ADGRL2: variants seen among roughly 807,000 people sequenced by gnomAD.
The protein encoded by ADGRL2 is adhesion G protein-coupled receptor L2, also known as calcium-independent alpha-latrotoxin receptor 2.
A neutral mutation model predicts 157.4 loss-of-function variants in ADGRL2; 44 were observed. The ratio of observed to expected loss-of-function variants is 0.28; its 90% CI spans 0.22 to 0.36. The LOEUF is 0.36. ADGRL2 is among the 10% of genes least tolerant of loss of function. The probability of loss-of-function intolerance (pLI) is 1.00; values close to 1 mark genes in which losing one functional copy is unlikely to be tolerated. For missense variants in ADGRL2, 1,510 were observed against 1,768.9 expected, an observed-to-expected ratio of 0.85 and a Z score of 2.63; for synonymous variants, 585 against 624.7, an observed-to-expected ratio of 0.94 and a Z score of 0.95.
intron 3 of ADGRL2, among the ~76,000 whole-genome samples, chr1:81,639,814 T>A (rs2082184519): frequency 6.6e-6 from 1 of 152,118 alleles, no homozygotes; most frequent in African/African-American, 2.4e-5. Flanking sequence ...TATTTCACAA[T>A]CGGTAGTTTC....
At chr1:81,808,107 A>G (rs929382341) in intron 1 of ADGRL2, among the ~76,000 whole-genome samples, 1 of 152,044 alleles carries the variant, frequency 6.6e-6, no homozygotes, top group East Asian at 1.9e-4. Flanking sequence ...GTTTGGAAGT[A>G]GAAAGCAAGT....
chr1:81,841,937 C>T (rs903270907), intron 2 of ADGRL2, among the ~76,000 whole-genome samples: 2 of 151,896 alleles, frequency 1.3e-5, no homozygotes, highest in Non-Finnish European at 2.9e-5. Context: ...TTGGGATGAG[C>T]GATAGTTGGA....
intron 1 of ADGRL2, among the ~76,000 whole-genome samples, chr1:81,399,353 T>G (rs76382678): frequency 1.3e-5 from 2 of 152,246 alleles, no homozygotes; most frequent in Admixed American, 6.5e-5. Flanking sequence ...AGCTATAATT[T>G]TATTATATAG....
At chr1:81,520,195 A>G (rs928737485) in intron 2 of ADGRL2, among the ~76,000 whole-genome samples, 5 of 152,130 alleles carry the variant, frequency 3.3e-5, no homozygotes, top group Admixed American at 1.3e-4. Flanking sequence ...CTACCCTGGT[A>G]TTGCCTGCTG....
At chr1:81,776,189 G>A (rs9662482) in intron 2 of ADGRL2, among the ~76,000 whole-genome samples, 30,173 of 145,206 alleles carry the variant, frequency 0.21, 3,372 homozygotes, top group African/African-American at 0.3. Context: ...GTACCTTAAA[G>A]CATTTTTTTT....
intron 2 of ADGRL2, among the ~76,000 whole-genome samples, chr1:81,491,236 G>T (rs1056953345): frequency 1.9e-4 from 29 of 152,088 alleles, no homozygotes; most frequent in African/African-American, 7.0e-4. Context: ...TTTAAATAAA[G>T]CTCTAAAACA....
At chr1:81,618,299 G>T (rs2081707922) in intron 3 of ADGRL2, among the ~76,000 whole-genome samples, 1 of 152,086 alleles carries the variant, frequency 6.6e-6, no homozygotes, top group South Asian at 2.1e-4. Context: ...ATGGTTTTGT[G>T]GGTGTATTGC....
At chr1:81,428,329 C>T (rs2077256503) in intron 1 of ADGRL2, among the ~76,000 whole-genome samples, 1 of 145,220 alleles carries the variant, frequency 6.9e-6, no homozygotes, top group Non-Finnish European at 1.5e-5. Flanking sequence ...AAAAATATCT[C>T]AAAATTAAAA....
intron 2 of ADGRL2, among the ~76,000 whole-genome samples, chr1:81,515,581 T>A (rs557046940): frequency 2.8e-4 from 43 of 152,360 alleles, no homozygotes; most frequent in South Asian, 8.3e-4. Flanking sequence ...TGGGCTCTTT[T>A]ATAGTTTTCA....
chr1:81,785,783 A>G (rs1233233321), intron 2 of ADGRL2, among the ~76,000 whole-genome samples: 5 of 152,074 alleles, frequency 3.3e-5, no homozygotes, highest in East Asian at 3.9e-4. Flanking sequence ...TTTAATATCA[A>G]TGATTCTCAT....
chr1:81,701,704 C>T (rs544145412), intron 1 of ADGRL2, among the ~76,000 whole-genome samples: 2 of 152,202 alleles, frequency 1.3e-5, no homozygotes, highest in South Asian at 4.1e-4. Flanking sequence ...ACTATCAATG[C>T]TGTCTGTTTT....
chr1:81,673,631 C>A (rs1273440943), intron 3 of ADGRL2, among the ~76,000 whole-genome samples: 1 of 151,250 alleles, frequency 6.6e-6, no homozygotes, highest in African/African-American at 2.4e-5. Flanking sequence ...TCTCCTGCCT[C>A]AGCCTCCCAA....
intron 1 of ADGRL2, among the ~76,000 whole-genome samples, chr1:81,747,139 ATACATATATACGTATATATGTATG>A (rs1478377701): frequency 1.4e-5 from 2 of 138,550 alleles, no homozygotes; most frequent in African/African-American, 6.0e-5. Context: ...GTATATATGT[ATACATATATACGTATATATGTATG>A]TGTGTATATA....
intron 1 of ADGRL2, among the ~76,000 whole-genome samples, chr1:81,813,885 G>A (rs1475372156): frequency 6.6e-6 from 1 of 151,512 alleles, no homozygotes; most frequent in Non-Finnish European, 1.5e-5. Flanking sequence ...GGTTATGTGA[G>A]GCACAGTAAC....
intron 2 of ADGRL2, among the ~76,000 whole-genome samples, chr1:81,470,802 T>C (rs2078155859): frequency 6.6e-6 from 1 of 152,200 alleles, no homozygotes; most frequent in Admixed American, 6.5e-5. Context: ...ATTTCAGTTG[T>C]CACATAGTGA....
At chr1:81,399,587 T>A (rs939231196) in intron 1 of ADGRL2, among the ~76,000 whole-genome samples, 34 of 152,176 alleles carry the variant, frequency 2.2e-4, no homozygotes, top group African/African-American at 8.0e-4. Flanking sequence ...TCTATTATAT[T>A]TTTTATTTCA....
chr1:81,420,770 C>G (rs2077109833), intron 1 of ADGRL2, among the ~76,000 whole-genome samples: 1 of 152,140 alleles, frequency 6.6e-6, no homozygotes, highest in South Asian at 2.1e-4. Context: ...AAAAGAAGCT[C>G]TCCTAGGTCG....
At chr1:81,377,670 C>T (rs559372021) in intron 1 of ADGRL2, among the ~76,000 whole-genome samples, 3 of 152,016 alleles carry the variant, frequency 2.0e-5, no homozygotes, top group African/African-American at 4.8e-5. Flanking sequence ...CTTTGTGTGA[C>T]ATGTTGTGAT....
At chr1:81,537,677 C>G (rs980194841) in intron 2 of ADGRL2, among the ~76,000 whole-genome samples, 1 of 151,384 alleles carries the variant, frequency 6.6e-6, no homozygotes, top group East Asian at 1.9e-4. Flanking sequence ...GGCCTGTCTT[C>G]TTTTTCTTTT....
Sources: gnomAD v4.1 joint callset for allele counts (sites outside exome capture counted in the v4.1 genomes callset) on GRCh38, gnomAD v4.1.1 for gene constraint, MANE v1.5 for transcripts, NCBI Gene and HGNC (gene_info 2026-07-23, HGNC 2026-07-21) for gene names.